LEMD3: variants seen among roughly 807,000 people sequenced by gnomAD.
LEMD3 encodes inner nuclear membrane protein Man1.
Under a neutral mutation model 95.2 loss-of-function variants are expected in LEMD3, and 33 were observed. The ratio of observed to expected loss-of-function variants is 0.35; its 90% confidence interval spans 0.26 to 0.46. LEMD3 has a LOEUF of 0.46. Among genes scored for constraint, LEMD3 ranks in the 20% least tolerant of loss-of-function variants. The pLI, the probability that LEMD3 is intolerant of heterozygous loss-of-function variation, is 1.00. For missense variants in LEMD3, 1,210 were observed against 1,192.8 expected (o/e 1.01, Z -0.21); for synonymous variants, 525 against 474.6 (o/e 1.11, Z -1.38).
chr12:65,237,723 C>T (rs962373470), intron 4 of LEMD3, among the ~76,000 whole-genome samples: 8 of 152,114 alleles, frequency 5.3e-5, no homozygotes, highest in African/African-American at 1.9e-4. Context: ...GTGAAGTTGT[C>T]CAGGTCACAA....
chr12:65,188,923 A>C (rs751894355), intron 1 of LEMD3, among the ~76,000 whole-genome samples: 1 of 152,170 alleles, frequency 6.6e-6, no homozygotes, highest in African/African-American at 2.4e-5. Context: ...GGGCACTATC[A>C]GGAGGATAAT....
At chr12:65,187,059 T>G (rs1869089002) in intron 1 of LEMD3, among the ~76,000 whole-genome samples, 3 of 152,098 alleles carry the variant, frequency 2.0e-5, no homozygotes. Context: ...CTAATCCTTG[T>G]TCTGCAGGAA....
intron 1 of LEMD3, among the ~76,000 whole-genome samples, chr12:65,204,447 C>T (rs968820511): frequency 1.1e-4 from 17 of 152,192 alleles, no homozygotes; most frequent in East Asian, 3.9e-4. Context: ...TTTCTGTTCT[C>T]GTGTTAGTTT....
intron 4 of LEMD3, among the ~76,000 whole-genome samples, chr12:65,222,832 T>C (rs931897058): frequency 6.6e-6 from 1 of 151,936 alleles, no homozygotes; most frequent in Non-Finnish European, 1.5e-5. Context: ...TTTTGTTAGG[T>C]TGTGTTTTTT....
intron 1 of LEMD3, among the ~76,000 whole-genome samples, chr12:65,183,249 GAGAT>G (rs1197701938): frequency 6.6e-6 from 1 of 152,122 alleles, no homozygotes; most frequent in African/African-American, 2.4e-5. Context: ...AGTTTTTGAT[GAGAT>G]AGATATTTTA....
At chr12:65,202,362 A>G (rs1869628047) in intron 1 of LEMD3, among the ~76,000 whole-genome samples, 1 of 151,980 alleles carries the variant, frequency 6.6e-6, no homozygotes, top group African/African-American at 2.4e-5. Flanking sequence ...ATTTGTTGAT[A>G]AGATCATGTG....
intron 8 of LEMD3, 127 bp from the exon 9 acceptor site, chr12:65,240,782 C>A: frequency 1.2e-6 from 1 of 812,536 alleles, no homozygotes; most frequent in Non-Finnish European, 2.0e-6. Flanking sequence ...GCATCTAAAT[C>A]TTCTTTGAAC....
At chr12:65,185,175 T>A (rs1273967031) in intron 1 of LEMD3, among the ~76,000 whole-genome samples, 1 of 152,130 alleles carries the variant, frequency 6.6e-6, no homozygotes, top group Non-Finnish European at 1.5e-5. Context: ...AATGAATTCA[T>A]AATATAATGT....
chr12:65,219,129 G>A lies in LEMD3; in HGVS notation c.1695+510G>A, dbSNP rs547204627. Among the ~76,000 whole-genome samples, 95 of 152,242 alleles carry A rather than the reference G, an allele frequency of 6.2e-4. No homozygotes were observed. The Middle Eastern group carries it at 0.01, about 16-fold the overall frequency. ...TTTAGAACATTCTCTATGAGAGAAT[G>A]CATATTAATTTGGAAAGGGTACAAA... On this transcript the variant is annotated intron_variant, in intron 4 of 12. Coordinates refer to ENST00000308330, the MANE Select transcript of LEMD3 (RefSeq NM_014319.5).
At chr12:65,237,825 G>T (rs1259702510) in intron 4 of LEMD3, among the ~76,000 whole-genome samples, 1 of 152,128 alleles carries the variant, frequency 6.6e-6, no homozygotes, top group African/African-American at 2.4e-5. Flanking sequence ...TAGTTGATAG[G>T]CTTACTGCTT....
intron 2 of LEMD3, among the ~76,000 whole-genome samples, chr12:65,212,190 C>T (rs752576812): frequency 6.6e-6 from 1 of 152,010 alleles, no homozygotes; most frequent in East Asian, 1.9e-4. Flanking sequence ...CTATTCATCA[C>T]GAGAATAGCA....
In LEMD3 at chr12:65,170,603, A is replaced by AGGC. The variant is rs780794872; in HGVS notation, c.1014_1016dup (p.Ala340dup). ...CTAGACAGGAGCCGAAACCTCGAAG[A>AGGC]GGCGGCGGCCGCGGAGCAGGGAGGA... On this transcript the variant is annotated inframe_insertion, in exon 1 of 13. Transcript: ENST00000308330. 5 of 1,613,956 alleles carry AGGC rather than the reference A, an allele frequency of 3.1e-6. No individual in the cohort carries two copies. In the Admixed American group the frequency reaches 8.3e-5, roughly 27 times the overall value.
At chr12:65,186,869 G>GA (rs1485641727) in intron 1 of LEMD3, among the ~76,000 whole-genome samples, 2 of 151,584 alleles carry the variant, frequency 1.3e-5, no homozygotes, top group African/African-American at 2.4e-5. Flanking sequence ...GAAATTTGGG[G>GA]AAAAAAACAA....
At chr12:65,198,070 T>G (rs960039444) in intron 1 of LEMD3, among the ~76,000 whole-genome samples, 1 of 152,156 alleles carries the variant, frequency 6.6e-6, no homozygotes, top group Admixed American at 6.5e-5. Flanking sequence ...TGCACATTTG[T>G]GCACATCACA....
chr12:65,180,827 C>G (rs1466635221), intron 1 of LEMD3, among the ~76,000 whole-genome samples: 1 of 152,198 alleles, frequency 6.6e-6, no homozygotes, highest in Non-Finnish European at 1.5e-5. Flanking sequence ...TGTAGTTCAG[C>G]TCTCCTGAAC....
intron 1 of LEMD3, among the ~76,000 whole-genome samples, chr12:65,174,265 G>A (rs1360151382): frequency 6.6e-6 from 1 of 151,882 alleles, no homozygotes; most frequent in Non-Finnish European, 1.5e-5. Context: ...AAAACTAGGG[G>A]GTTGGATTAG....
chr12:65,211,219 C>T (rs939964255), intron 2 of LEMD3, among the ~76,000 whole-genome samples: 3 of 152,128 alleles, frequency 2.0e-5, no homozygotes. Flanking sequence ...CTGTTTATCA[C>T]TTTACTGTAA....
intron 1 of LEMD3, among the ~76,000 whole-genome samples, chr12:65,210,709 A>G (rs1869910508): frequency 1.3e-5 from 2 of 152,210 alleles, no homozygotes; most frequent in Non-Finnish European, 2.9e-5. Flanking sequence ...CCTGATCTCA[A>G]TGATTGTGAG....
intron 1 of LEMD3, among the ~76,000 whole-genome samples, chr12:65,188,364 G>T (rs966134269): frequency 1.3e-5 from 2 of 152,118 alleles, no homozygotes; most frequent in African/African-American, 2.4e-5. Flanking sequence ...TTTGAGCAAA[G>T]GATGATTTAT....
Sources: gnomAD v4.1 joint callset for allele counts (sites outside exome capture counted in the v4.1 genomes callset) on GRCh38, gnomAD v4.1.1 for gene constraint, MANE v1.5 for transcripts, NCBI Gene and HGNC (gene_info 2026-07-23, HGNC 2026-07-21) for gene names.